COL27A1: variants seen among roughly 807,000 people sequenced by gnomAD.
COL27A1 encodes collagen alpha-1(XXVII) chain.
In COL27A1, 106 loss-of-function variants were observed where a neutral mutation model predicts 251.3. The observed-to-expected ratio is 0.42, with a 90% CI of 0.36 to 0.50. COL27A1 has a LOEUF of 0.50. Among genes scored for constraint, COL27A1 ranks in the 20% least tolerant of loss-of-function variants. COL27A1 has a pLI of 0.00. For missense variants in COL27A1, 2,325 were observed against 2,522.8 expected, an observed-to-expected ratio of 0.92 and a Z score of 1.68; for synonymous variants, 1,000 against 986.3, an observed-to-expected ratio of 1.01 and a Z score of -0.26.
chr9:114,166,680 GC>G (rs1481585169), intron 2 of COL27A1, among the ~76,000 whole-genome samples: 1 of 152,238 alleles, frequency 6.6e-6, no homozygotes, highest in African/African-American at 2.4e-5. Flanking sequence ...GAGCTCAGGA[GC>G]CTGCTTTGCC....
chr9:114,179,775 A>G (rs550843652), intron 4 of COL27A1, among the ~76,000 whole-genome samples: 1 of 151,136 alleles, frequency 6.6e-6, no homozygotes, highest in Admixed American at 6.6e-5. Context: ...AAAGTCAAAG[A>G]GAGTAAATGG....
intron 5 of COL27A1, among the ~76,000 whole-genome samples, chr9:114,192,710 A>G (rs1184271366): frequency 6.6e-6 from 1 of 152,292 alleles, no homozygotes; most frequent in East Asian, 1.9e-4. Context: ...CTTGGAACAA[A>G]TGGGTGCTAT....
At chr9:114,194,293 T>G in intron 5 of COL27A1, 111 bp from the exon 6 acceptor site, 4 of 989,058 alleles carry the variant, frequency 4.0e-6, no homozygotes, top group Non-Finnish European at 6.5e-6. Flanking sequence ...AGTGGGAGGA[T>G]GGATGGGAAG....
chr9:114,213,166 G>C (rs1022963480), intron 12 of COL27A1, among the ~76,000 whole-genome samples: 1 of 152,166 alleles, frequency 6.6e-6, no homozygotes, highest in East Asian at 1.9e-4. Flanking sequence ...AGAGCTTGGG[G>C]TACGGAGTCT....
chr9:114,218,891 G>A (rs1830890620), intron 12 of COL27A1, among the ~76,000 whole-genome samples: 1 of 151,938 alleles, frequency 6.6e-6, no homozygotes, highest in Admixed American at 6.6e-5. Flanking sequence ...CCTCCATGAG[G>A]AATGTTTACC....
intron 7 of COL27A1, among the ~76,000 whole-genome samples, chr9:114,198,993 T>C (rs960704145): frequency 1.3e-5 from 2 of 152,182 alleles, no homozygotes; most frequent in African/African-American, 4.8e-5. Flanking sequence ...GAATAAATAA[T>C]GATCATGATG....
intron 7 of COL27A1, among the ~76,000 whole-genome samples, chr9:114,196,732 C>G (rs1446353652): frequency 6.6e-6 from 1 of 152,176 alleles, no homozygotes; most frequent in African/African-American, 2.4e-5. Flanking sequence ...TTCAGCCATG[C>G]TGGGGGAGTT....
At chr9:114,171,027 G>A (rs1410953735) in intron 3 of COL27A1, among the ~76,000 whole-genome samples, 3 of 152,222 alleles carry the variant, frequency 2.0e-5, no homozygotes, top group Non-Finnish European at 4.4e-5. Context: ...AGAGAGGAGC[G>A]GAGCTGGCCC....
intron 39 of COL27A1, among the ~76,000 whole-genome samples, 188 bp from the exon 40 acceptor site, chr9:114,283,521 A>G (rs2636878): frequency 0.35 from 52,684 of 151,782 alleles, 9,488 homozygotes; most frequent in Non-Finnish European, 0.39. Flanking sequence ...GGGCTGGGGC[A>G]GGGGTGGGGA....
intron 41 of COL27A1, 36 bp downstream of exon 41, chr9:114,284,813 C>T (rs1416821569): frequency 8.7e-6 from 14 of 1,611,552 alleles, no homozygotes; most frequent in Middle Eastern, 1.6e-4. Flanking sequence ...GCTGCACCCT[C>T]GTGTCTGAGG....
rs932484376 is a variant in COL27A1, at chr9:114,205,617, G to A, written c.2170-142G>A. 5.5e-5 allele frequency: 42 copies of A among 769,830 alleles called. No individual in the cohort carries two copies. The East Asian group carries it at 9.7e-4, about 18-fold the overall frequency. 47.7% of individuals were successfully genotyped at this position (769,830 alleles called of 1,614,324 possible). A position where few individuals can be genotyped will look rare whatever the true frequency, so the allele number is the denominator to read the frequency against. On this transcript the variant is annotated intron_variant, in intron 8 of 60. Coordinates refer to ENST00000356083, the MANE Select transcript of COL27A1 (RefSeq NM_032888.4). ...CCGGTTTCACAGAGGGGTGGGCTTG[G>A]GGGCCCTCCCCTTCCTCCTGTTCCA...
Position 114,167,671 on chromosome 9 carries a change from C to T in COL27A1, c.134-18C>T. 1 of 1,595,210 alleles carries T rather than the reference C, an allele frequency of 6.3e-7. No homozygotes were observed. Among genetic ancestry groups the T allele is most frequent in the Non-Finnish European group, 8.6e-7 (1 of 1,168,500 alleles). On this transcript the variant is annotated intron_variant, in intron 2 of 60. Transcript: ENST00000356083. ...GCAGGCCCTGACTGCGTCCTCTCCC[C>T]TTTTCCCTCCCTCTCAGATGTGGAC...
chr9:114,161,446 G>A (rs967668064), intron 1 of COL27A1, among the ~76,000 whole-genome samples: 1 of 152,164 alleles, frequency 6.6e-6, no homozygotes, highest in African/African-American at 2.4e-5. Context: ...GATGCTGTGG[G>A]CATGTAATCA....
intron 2 of COL27A1, among the ~76,000 whole-genome samples, chr9:114,166,776 C>T (rs1848917473): frequency 6.6e-6 from 1 of 152,212 alleles, no homozygotes; most frequent in Admixed American, 6.5e-5. Flanking sequence ...ACTCTGGAAG[C>T]CCTCCTTTTC....
intron 7 of COL27A1, among the ~76,000 whole-genome samples, chr9:114,198,895 G>C (rs1157391559): frequency 2.6e-5 from 4 of 152,186 alleles, no homozygotes; most frequent in African/African-American, 4.8e-5. Flanking sequence ...GCCTCATGAG[G>C]TGGTTGGGAG....
At chr9:114,244,021 G>T (rs549604589) in intron 23 of COL27A1, among the ~76,000 whole-genome samples, 1 of 151,172 alleles carries the variant, frequency 6.6e-6, no homozygotes, top group African/African-American at 2.4e-5. Context: ...TGCCTCCCAG[G>T]TTCAACTGGT....
At chr9:114,242,556 G>C (rs892062690) in intron 22 of COL27A1, among the ~76,000 whole-genome samples, 1 of 152,266 alleles carries the variant, frequency 6.6e-6, no homozygotes, top group African/African-American at 2.4e-5. Context: ...CAGCCAGGCA[G>C]TGGGGACGCC....
Position 114,161,416 on chromosome 9 carries a change from G to A in COL27A1, c.63-1299G>A, listed in dbSNP as rs576838828. 1.2e-3 allele frequency among the ~76,000 whole-genome samples: 184 copies of A among 152,202 alleles called. 1 individual carries two copies. The highest frequency in any genetic ancestry group is 2.4e-3 in the Non-Finnish European group (161 of 68,020). ...TAGGATCCTCTAAGTCCATGCCTAC[G>A]TGAGCAAGCAGGAAGGAGGGATGCT... is the stretch of plus-strand genomic sequence containing the variant. On this transcript the variant is annotated intron_variant, in intron 1 of 60. Coordinates refer to ENST00000356083, the MANE Select transcript of COL27A1 (RefSeq NM_032888.4).
chr9:114,196,325 G>A (rs1829123660), intron 7 of COL27A1, among the ~76,000 whole-genome samples: 1 of 152,232 alleles, frequency 6.6e-6, no homozygotes, highest in Non-Finnish European at 1.5e-5. Flanking sequence ...AGCCTGTGGT[G>A]ATGGAGTAAC....
Sources: gnomAD v4.1 joint callset for allele counts (sites outside exome capture counted in the v4.1 genomes callset) on GRCh38, gnomAD v4.1.1 for gene constraint, MANE v1.5 for transcripts, NCBI Gene and HGNC (gene_info 2026-07-23, HGNC 2026-07-21) for gene names.